PHF21B: variants seen among roughly 807,000 people sequenced by gnomAD.
PHF21B encodes the protein PHD finger protein 4.
PHF21B carries 22 observed loss-of-function variants against 62.2 expected under a neutral mutation model. That is an observed-to-expected ratio of 0.35 (90% CI 0.25 to 0.51). The LOEUF is 0.51. PHF21B is among the 20% of genes least tolerant of loss of function. The pLI is 0.97. For missense variants in PHF21B, 701 were observed against 707.9 expected, an observed-to-expected ratio of 0.99 and a Z score of 0.11; for synonymous variants, 341 against 314.7, an observed-to-expected ratio of 1.08 and a Z score of -0.88.
chr22:44,974,131 C>G, intron 2 of PHF21B, among the ~76,000 whole-genome samples: 1 of 152,220 alleles, frequency 6.6e-6, no homozygotes, highest in Non-Finnish European at 1.5e-5. Context: ...CGTGCATATG[C>G]GGCCAGGTGC....
chr22:44,930,308 A>G (rs2071715693), intron 2 of PHF21B, among the ~76,000 whole-genome samples: 1 of 152,242 alleles, frequency 6.6e-6, no homozygotes, highest in Non-Finnish European at 1.5e-5. Context: ...ACCGTGTACT[A>G]GCCTTTAAGA....
At chr22:44,928,557 C>T (rs1159671010) in intron 2 of PHF21B, among the ~76,000 whole-genome samples, 1 of 152,108 alleles carries the variant, frequency 6.6e-6, no homozygotes, top group African/African-American at 2.4e-5. Context: ...TTACAGGCGC[C>T]CACCACCATG....
chr22:44,996,583 G>A (rs186011731), intron 2 of PHF21B, among the ~76,000 whole-genome samples: 3 of 151,938 alleles, frequency 2.0e-5, no homozygotes, highest in African/African-American at 7.2e-5. Context: ...CAGTCACACC[G>A]AGAGGAAGGG....
At chr22:44,984,523 G>C (rs558362482) in intron 2 of PHF21B, among the ~76,000 whole-genome samples, 1 of 152,182 alleles carries the variant, frequency 6.6e-6, no homozygotes, top group Non-Finnish European at 1.5e-5. Flanking sequence ...AACAGAGCTC[G>C]GGGATTCAGG....
chr22:44,918,207 C>T lies in PHF21B; in HGVS notation c.214-1577G>A, dbSNP rs189043708. On this transcript the variant is annotated intron_variant, in intron 3 of 12. Transcript: ENST00000313237. ...GTTCTCCGCCTCTGAAGAGGACTGG[C>T]GTGGGGGCGGATGGACACCCATGTG... Among the ~76,000 whole-genome samples the T allele has an allele frequency of 1.2e-3, 184 of 152,328 alleles. 1 individual carries two copies. The highest frequency in any genetic ancestry group is 4.2e-3 in the African/African-American group (173 of 41,574).
chr22:44,972,824 C>A (rs76730764), intron 2 of PHF21B, among the ~76,000 whole-genome samples: 1 of 152,176 alleles, frequency 6.6e-6, no homozygotes, highest in African/African-American at 2.4e-5. Flanking sequence ...CCCCTACAGA[C>A]AGGGACTGTG....
At chr22:44,908,463 A>C (rs1416598057) in intron 5 of PHF21B, among the ~76,000 whole-genome samples, 36 of 151,898 alleles carry the variant, frequency 2.4e-4, no homozygotes. Flanking sequence ...TGCATGGGTC[A>C]CTCTGGGACA....
At position 45,009,590 on chromosome 22, in the gene PHF21B, G is replaced by C. The variant is rs886426616; in HGVS notation, c.-41C>G. On this transcript the variant is annotated 5_prime_UTR_variant, in exon 1 of 13. Coordinates refer to ENST00000313237, the MANE Select transcript of PHF21B (RefSeq NM_138415.5). This position sits in a 1 kb window ranked among gnomAD's most constrained non-coding sequence, Gnocchi z 5.9. ...AGCACTTTGCGCTCACTTTGGCCCG[G>C]GCTCCCGGGAAGTTGCGCGGCTCCG... The C allele has an allele frequency of 6.6e-7, 1 of 1,523,052 alleles. No individual in the cohort carries two copies. The highest frequency in any genetic ancestry group is 2.6e-5 in the East Asian group (1 of 38,666). The allele number at this position is 1,523,052 out of a possible 1,614,324, so 94.3% of individuals were successfully genotyped here.
At chr22:44,995,229 T>C (rs2073101394) in intron 2 of PHF21B, among the ~76,000 whole-genome samples, 1 of 152,154 alleles carries the variant, frequency 6.6e-6, no homozygotes, top group South Asian at 2.1e-4. Flanking sequence ...AGAAGTTCAT[T>C]AAAGGACACT....
At chr22:44,957,873 A>G (rs971341822) in intron 2 of PHF21B, among the ~76,000 whole-genome samples, 6 of 151,418 alleles carry the variant, frequency 4.0e-5, no homozygotes, top group African/African-American at 1.5e-4. Flanking sequence ...CTAAAAGCAG[A>G]ACTCTAGCTG....
At chr22:44,962,022 G>A (rs1045181119) in intron 2 of PHF21B, among the ~76,000 whole-genome samples, 3 of 152,070 alleles carry the variant, frequency 2.0e-5, no homozygotes, top group Non-Finnish European at 4.4e-5. Context: ...CTGATGGGCA[G>A]TTAGGTTGTT....
chr22:44,899,936 G>C (rs2147270906), intron 5 of PHF21B, among the ~76,000 whole-genome samples: 1 of 152,098 alleles, frequency 6.6e-6, no homozygotes, highest in East Asian at 1.9e-4. Context: ...CAAATCTCTT[G>C]GGTTTTCTCA....
chr22:44,955,539 ACT>A (rs1458159395), intron 2 of PHF21B, among the ~76,000 whole-genome samples: 1 of 152,256 alleles, frequency 6.6e-6, no homozygotes, highest in East Asian at 1.9e-4. Context: ...CCACCAATCC[ACT>A]GAGGGCCCAG....
chr22:44,983,745 T>C (rs1363469913), intron 2 of PHF21B, among the ~76,000 whole-genome samples: 1 of 152,208 alleles, frequency 6.6e-6, no homozygotes, highest in Non-Finnish European at 1.5e-5. Flanking sequence ...ACAGACTGTT[T>C]ACAAACTGCT....
chr22:44,894,213 C>T (rs972285273), intron 6 of PHF21B, among the ~76,000 whole-genome samples: 2 of 152,166 alleles, frequency 1.3e-5, no homozygotes, highest in Non-Finnish European at 2.9e-5. Context: ...TGGAATAACA[C>T]AGGGTCTAAA....
chr22:44,952,488 G>A (rs1332649215), intron 2 of PHF21B, among the ~76,000 whole-genome samples: 1 of 152,218 alleles, frequency 6.6e-6, no homozygotes, highest in Non-Finnish European at 1.5e-5. Context: ...TCCTGGGGGT[G>A]GAGGGAGCAC....
At chr22:44,925,694 G>A (rs2071615706) in intron 2 of PHF21B, among the ~76,000 whole-genome samples, 1 of 152,218 alleles carries the variant, frequency 6.6e-6, no homozygotes, top group African/African-American at 2.4e-5. Flanking sequence ...GGCACAGCCT[G>A]GCGGGCAGCA....
intron 2 of PHF21B, among the ~76,000 whole-genome samples, chr22:44,964,183 G>A (rs947181231): frequency 5.3e-5 from 8 of 152,168 alleles, no homozygotes; most frequent in Non-Finnish European, 1.2e-4. Context: ...CAAACACAGA[G>A]GATTCAATAT....
chr22:44,937,962 T>A (rs2071882918), intron 2 of PHF21B, among the ~76,000 whole-genome samples: 1 of 152,258 alleles, frequency 6.6e-6, no homozygotes, highest in Non-Finnish European at 1.5e-5. Flanking sequence ...ATGCAAATGC[T>A]CTATTTTGGA....
Sources: gnomAD v4.1 joint callset for allele counts (sites outside exome capture counted in the v4.1 genomes callset) on GRCh38, gnomAD v4.1.1 for gene constraint, Gnocchi (gnomAD v3.1) non-coding constraint, MANE v1.5 for transcripts, NCBI Gene and HGNC (gene_info 2026-07-23, HGNC 2026-07-21) for gene names.